THADA: variants seen among roughly 807,000 people sequenced by gnomAD.
THADA encodes THADA armadillo repeat containing.
In THADA, 213 loss-of-function variants were observed where a neutral mutation model predicts 219.8. The ratio of observed to expected loss-of-function variants is 0.97; its 90% CI spans 0.87 to 1.09. The LOEUF is 1.09. THADA is among the 50% of genes least tolerant of loss of function. THADA has a pLI of 0.00. For synonymous variants in THADA, 1,018 were observed against 828.9 expected, an observed-to-expected ratio of 1.23 and a Z score of -3.92; for missense variants, 2,956 against 2,311.3, an observed-to-expected ratio of 1.28 and a Z score of -5.72.
chr2:43,344,501 A>G (rs1370576350), intron 29 of THADA, among the ~76,000 whole-genome samples: 1 of 152,256 alleles, frequency 6.6e-6, no homozygotes, highest in Non-Finnish European at 1.5e-5. Flanking sequence ...ATCATCTGCC[A>G]CAAGAGTTTA....
intron 20 of THADA, among the ~76,000 whole-genome samples, chr2:43,543,764 C>G (rs369444566): frequency 3.9e-5 from 6 of 152,184 alleles, no homozygotes; most frequent in South Asian, 4.2e-4. Context: ...GTAGATTCTG[C>G]ATATTAGCCC....
At chr2:43,318,146 C>A (rs946301290) in intron 31 of THADA, among the ~76,000 whole-genome samples, 2 of 151,862 alleles carry the variant, frequency 1.3e-5, no homozygotes, top group African/African-American at 4.8e-5. Context: ...TTGAAGTAAT[C>A]CTCCTGTCTC....
At chr2:43,584,537 T>A (rs1414661957) in intron 7 of THADA, among the ~76,000 whole-genome samples, 1 of 152,216 alleles carries the variant, frequency 6.6e-6, no homozygotes, top group East Asian at 1.9e-4. Context: ...ACAGGTATTA[T>A]TTCTCCTCTC....
Position 43,389,480 on chromosome 2 carries a change from A to T in THADA, c.4227+8491T>A, listed in dbSNP as rs1573412271. Among the ~76,000 whole-genome samples the T allele has an allele frequency of 2.6e-5, 4 of 152,276 alleles. 1 individual carries two copies. The South Asian group carries it at 8.3e-4, about 32-fold the overall frequency. On this transcript the variant is annotated intron_variant, in intron 29 of 37. Coordinates refer to ENST00000405975, the MANE Select transcript of THADA (RefSeq NM_022065.5). Reference sequence around the variant, plus strand: ...TAACAATAACCATAATAATAATAAAACAGGATGCGATAAAAGAAATAACAC... The same window carrying T: ...TAACAATAACCATAATAATAATAAATCAGGATGCGATAAAAGAAATAACAC...
chr2:43,544,924 T>A (rs1294625553), intron 20 of THADA, among the ~76,000 whole-genome samples: 5 of 150,030 alleles, frequency 3.3e-5, no homozygotes, highest in Non-Finnish European at 5.9e-5. Flanking sequence ...TGAATAGGAG[T>A]GGTGAGAGAG....
intron 17 of THADA, among the ~76,000 whole-genome samples, chr2:43,555,164 A>T (rs1311596154): frequency 6.6e-6 from 1 of 152,072 alleles, no homozygotes; most frequent in Non-Finnish European, 1.5e-5. Flanking sequence ...TATATACAGT[A>T]AGTACTACTG....
At chr2:43,377,741 T>C (rs542548794) in intron 29 of THADA, among the ~76,000 whole-genome samples, 2 of 152,124 alleles carry the variant, frequency 1.3e-5, no homozygotes, top group African/African-American at 4.8e-5. Context: ...TCTTGACCTA[T>C]GAAATCTATA....
intron 8 of THADA, among the ~76,000 whole-genome samples, chr2:43,579,082 G>C (rs1349945627): frequency 6.6e-6 from 1 of 152,118 alleles, no homozygotes. Context: ...CGCCTGCCTC[G>C]GCCTCCCAAA....
chr2:43,478,335 T>G (rs1055334360), intron 26 of THADA, among the ~76,000 whole-genome samples: 1 of 152,208 alleles, frequency 6.6e-6, no homozygotes, highest in Non-Finnish European at 1.5e-5. Context: ...CTAAAGAAAC[T>G]GTTCCCTCTG....
intron 36 of THADA, among the ~76,000 whole-genome samples, chr2:43,236,646 A>G (rs1283317176): frequency 6.6e-6 from 1 of 152,226 alleles, no homozygotes; most frequent in African/African-American, 2.4e-5. Context: ...CACTTGAGAC[A>G]AGACCGTGTT....
chr2:43,395,224 C>T (rs1339167557), intron 29 of THADA, among the ~76,000 whole-genome samples: 1 of 152,236 alleles, frequency 6.6e-6, no homozygotes, highest in African/African-American at 2.4e-5. Flanking sequence ...ATCCCCTTGA[C>T]AAGCTAGGCC....
chr2:43,536,091 C>T (rs1046739925), intron 21 of THADA, among the ~76,000 whole-genome samples: 3 of 152,106 alleles, frequency 2.0e-5, no homozygotes, highest in Non-Finnish European at 2.9e-5. Flanking sequence ...CATGACCCAC[C>T]GTGCCCAGCC....
chr2:43,535,675 CAAAA>C (rs1177702416), intron 21 of THADA, among the ~76,000 whole-genome samples: 2 of 30,368 alleles, frequency 6.6e-5, no homozygotes, highest in African/African-American at 2.4e-4. Context: ...CAGCGAGACT[CAAAA>C]AAAAAAAAAA....
intron 30 of THADA, among the ~76,000 whole-genome samples, chr2:43,341,967 T>C (rs1667107099): frequency 6.6e-6 from 1 of 152,238 alleles, no homozygotes; most frequent in South Asian, 2.1e-4. Flanking sequence ...TCCCAGCACT[T>C]TGGGAGGCCG....
chr2:43,376,915 G>C (rs1319862030), intron 29 of THADA, among the ~76,000 whole-genome samples: 1 of 152,092 alleles, frequency 6.6e-6, no homozygotes, highest in Non-Finnish European at 1.5e-5. Context: ...TCAGACACTG[G>C]GAGTTTTAAG....
chr2:43,419,285 G>T (rs956180220), intron 28 of THADA, among the ~76,000 whole-genome samples: 1 of 152,230 alleles, frequency 6.6e-6, no homozygotes, highest in African/African-American at 2.4e-5. Flanking sequence ...TCTATAACTG[G>T]TTGGAAGGGA....
At chr2:43,575,821 C>T (rs576490369) in intron 10 of THADA, among the ~76,000 whole-genome samples, 33 of 152,234 alleles carry the variant, frequency 2.2e-4, no homozygotes, top group African/African-American at 7.7e-4. Context: ...CAGGCTTGAG[C>T]CACCATGCCC....
At chr2:43,497,514 C>G (rs1355137030) in intron 25 of THADA, among the ~76,000 whole-genome samples, 2 of 152,094 alleles carry the variant, frequency 1.3e-5, no homozygotes, top group Non-Finnish European at 2.9e-5. Flanking sequence ...GAAAGGGGAA[C>G]AACACACACC....
chr2:43,482,251 A>C (rs1284195182), intron 26 of THADA, among the ~76,000 whole-genome samples: 1 of 152,122 alleles, frequency 6.6e-6, no homozygotes, highest in Non-Finnish European at 1.5e-5. Flanking sequence ...TTTAAAACCC[A>C]AAAAACACAT....
Sources: allele counts gnomAD v4.1 joint callset (sites outside exome capture counted in the v4.1 genomes callset), GRCh38; gene constraint gnomAD v4.1.1; transcripts MANE v1.5; gene names NCBI Gene and HGNC (gene_info 2026-07-23, HGNC 2026-07-21).